CSMD1: variants seen among roughly 807,000 people sequenced by gnomAD.
CSMD1 encodes CUB and sushi domain-containing protein 1.
Under a neutral mutation model 417.5 loss-of-function variants are expected in CSMD1, and 213 were observed. That is an observed-to-expected ratio of 0.51 (90% CI 0.46 to 0.57). The LOEUF (loss-of-function observed/expected upper bound fraction) is 0.57. Among genes scored for constraint, CSMD1 ranks in the 20% least tolerant of loss-of-function variants. CSMD1 has a pLI of 0.00. For synonymous variants in CSMD1, 2,862 were observed against 1,736.8 expected (o/e 1.65, Z -16.11); for missense variants, 6,923 against 4,529.7 (o/e 1.53, Z -15.17).
chr8:3,134,422 C>T (rs973503217), intron 41 of CSMD1, among the ~76,000 whole-genome samples: 4 of 152,104 alleles, frequency 2.6e-5, no homozygotes, highest in Non-Finnish European at 2.9e-5. Context: ...TTGTGGAGAA[C>T]GTTTGACTCT....
intron 1 of CSMD1, among the ~76,000 whole-genome samples, chr8:4,836,104 G>C (rs1475492708): frequency 6.6e-6 from 1 of 152,088 alleles, no homozygotes; most frequent in Non-Finnish European, 1.5e-5. Flanking sequence ...AAGATCAACT[G>C]TCAGAGCTTC....
intron 5 of CSMD1, among the ~76,000 whole-genome samples, chr8:3,769,394 T>C (rs909117514): frequency 1.3e-5 from 2 of 149,162 alleles, no homozygotes; most frequent in Non-Finnish European, 3.0e-5. Context: ...TTAAAAAGCA[T>C]TCAATGACAC....
In CSMD1 at chr8:4,290,152, C is replaced by T. The variant is rs112351787; in HGVS notation, c.415+129801G>A. On this transcript the variant is annotated intron_variant, in intron 3 of 69. Transcript: ENST00000635120. The stretch of plus-strand genomic sequence containing the variant: ...ACAGGCAGGGAGTGGTGAGGAAATG[C>T]TTCCCAGGTAAAGCAGAGTTGCGTG... Among the ~76,000 whole-genome samples, 10 of 152,268 alleles carry T rather than the reference C, an allele frequency of 6.6e-5. No individual in the cohort carries two copies. The East Asian group carries it at 1.5e-3, about 24-fold the overall frequency.
chr8:4,300,294 T>C (rs994289386), intron 3 of CSMD1, among the ~76,000 whole-genome samples: 4 of 152,146 alleles, frequency 2.6e-5, no homozygotes, highest in African/African-American at 7.2e-5. Context: ...TGGGCACAGA[T>C]GGGGAAATAT....
At chr8:4,278,025 G>A (rs915672094) in intron 3 of CSMD1, among the ~76,000 whole-genome samples, 1 of 152,116 alleles carries the variant, frequency 6.6e-6, no homozygotes. Flanking sequence ...GGGATTACAA[G>A]CATGAGCCAC....
At position 3,614,562 on chromosome 8, in the gene CSMD1, T is replaced by A. The variant is rs139690668; in HGVS notation, c.1097+2148A>T. On this transcript the variant is annotated intron_variant, in intron 8 of 69. Transcript: ENST00000635120. ...CCTGTTAACTTTTAAAGCTTAAGCA[T>A]TTCCTCTGTCATTTTTTTAAAACAT... 1.0e-3 allele frequency among the ~76,000 whole-genome samples: 159 copies of A among 152,308 alleles called. 1 individual carries two copies. Among genetic ancestry groups the A allele is most frequent in the African/African-American group, 3.7e-3 (154 of 41,580 alleles).
At chr8:4,750,144 T>C (rs1811216981) in intron 1 of CSMD1, among the ~76,000 whole-genome samples, 1 of 152,148 alleles carries the variant, frequency 6.6e-6, no homozygotes, top group African/African-American at 2.4e-5. Context: ...TAGCTGGGAC[T>C]ACAGGCGCCC....
intron 10 of CSMD1, among the ~76,000 whole-genome samples, chr8:3,527,136 C>T (rs987841798): frequency 5.3e-5 from 8 of 151,914 alleles, no homozygotes; most frequent in Admixed American, 1.3e-4. Flanking sequence ...TATGAGCCCT[C>T]GGATGTCTCT....
intron 5 of CSMD1, among the ~76,000 whole-genome samples, chr8:3,879,935 C>T (rs181278284): frequency 1.3e-5 from 2 of 152,098 alleles, no homozygotes; most frequent in Admixed American, 6.6e-5. Context: ...GTATGTGATA[C>T]GACTTACTAC....
intron 2 of CSMD1, among the ~76,000 whole-genome samples, chr8:4,627,669 G>A (rs577618089): frequency 1.3e-5 from 2 of 152,154 alleles, no homozygotes; most frequent in South Asian, 2.1e-4. Flanking sequence ...CACTCCAGCT[G>A]CTCCGGGATG....
intron 1 of CSMD1, among the ~76,000 whole-genome samples, chr8:4,646,435 G>A (rs1016321419): frequency 5.9e-5 from 9 of 152,134 alleles, no homozygotes; most frequent in Non-Finnish European, 8.8e-5. Flanking sequence ...GTGAATGAAT[G>A]TAGTAAAATG....
chr8:4,594,600 C>T (rs745892419), intron 2 of CSMD1, among the ~76,000 whole-genome samples: 9 of 152,112 alleles, frequency 5.9e-5, no homozygotes, highest in Non-Finnish European at 1.2e-4. Context: ...TAACCCATAA[C>T]AGGAAACAAG....
At chr8:3,139,875 T>G (rs530742161) in intron 41 of CSMD1, among the ~76,000 whole-genome samples, 40 of 151,420 alleles carry the variant, frequency 2.6e-4, no homozygotes, top group Middle Eastern at 3.4e-3. Flanking sequence ...GATTACCGTT[T>G]TTTTTCTTTC....
chr8:3,403,453 C>T lies in CSMD1; in HGVS notation c.2266+2574G>A, dbSNP rs183332307. Reference sequence around the variant, plus strand: ...TGCACTCAGTCATTAGGTTTCTCAACGCAGGTAGACTTTTAACATCTTTTC... The same window carrying T: ...TGCACTCAGTCATTAGGTTTCTCAATGCAGGTAGACTTTTAACATCTTTTC... On this transcript the variant is annotated intron_variant, in intron 15 of 69. Coordinates refer to ENST00000635120, the MANE Select transcript of CSMD1 (RefSeq NM_033225.6). Among the ~76,000 whole-genome samples the T allele has an allele frequency of 1.6e-4, 24 of 152,322 alleles. No homozygotes were observed. The East Asian group carries it at 3.5e-3, about 22-fold the overall frequency.
At chr8:3,791,951 T>C (rs183391217) in intron 5 of CSMD1, among the ~76,000 whole-genome samples, 1 of 152,316 alleles carries the variant, frequency 6.6e-6, no homozygotes, top group Admixed American at 6.5e-5. Flanking sequence ...CCTAATAGCT[T>C]ATTATCCTTC....
At position 4,962,532 on chromosome 8, in the gene CSMD1, G is replaced by A. The variant is rs543695452; in HGVS notation, c.85+31800C>T. 9.2e-5 allele frequency among the ~76,000 whole-genome samples: 14 copies of A among 152,242 alleles called. No homozygotes were observed. The South Asian group carries it at 2.9e-3, about 32-fold the overall frequency. ...AGCCTAAATTCTGTTTTTATCTTATGAAGCATGGAGGACATTTTCTGATTA... is the reference window on the plus strand; with the variant it reads ...AGCCTAAATTCTGTTTTTATCTTATAAAGCATGGAGGACATTTTCTGATTA... On this transcript the variant is annotated intron_variant, in intron 1 of 69. Transcript: ENST00000635120.
intron 7 of CSMD1, among the ~76,000 whole-genome samples, chr8:3,643,587 A>G (rs574157649): frequency 5.4e-4 from 82 of 151,428 alleles, no homozygotes; most frequent in Admixed American, 9.2e-4. Context: ...TGTAGTCCCA[A>G]CTACCCGGGC....
At chr8:4,253,776 G>A (rs2128833359) in intron 3 of CSMD1, among the ~76,000 whole-genome samples, 1 of 151,364 alleles carries the variant, frequency 6.6e-6, no homozygotes, top group Non-Finnish European at 1.5e-5. Flanking sequence ...AACAGCTGAT[G>A]AAAATTTTGC....
chr8:3,956,249 AAATT>A (rs1384968439), intron 5 of CSMD1, among the ~76,000 whole-genome samples: 1 of 152,230 alleles, frequency 6.6e-6, no homozygotes, highest in African/African-American at 2.4e-5. Context: ...ACTTTTTCAC[AAATT>A]AATACATTTG....
Sources: allele counts gnomAD v4.1 joint callset (sites outside exome capture counted in the v4.1 genomes callset), GRCh38; gene constraint gnomAD v4.1.1; transcripts MANE v1.5; gene names NCBI Gene and HGNC (gene_info 2026-07-23, HGNC 2026-07-21).